RAB10: variants seen among roughly 807,000 people sequenced by gnomAD.
RAB10 encodes the protein RAB10, member RAS oncogene family, also known as ras-related protein Rab-10.
A neutral mutation model predicts 25.7 loss-of-function variants in RAB10; 5 were observed. That is an observed-to-expected ratio of 0.19 (90% CI 0.10 to 0.41). RAB10 has a LOEUF of 0.41. RAB10 is among the 10% of genes least tolerant of loss of function. The probability of loss-of-function intolerance (pLI) is 1.00; values close to 1 mark genes in which losing one functional copy is unlikely to be tolerated. For missense variants in RAB10, 103 were observed against 245.8 expected (o/e 0.42, Z 3.89); for synonymous variants, 89 against 86.4 (o/e 1.03, Z -0.16).
At chr2:26,131,313 T>G (rs951844513) in intron 5 of RAB10, among the ~76,000 whole-genome samples, 1 of 152,174 alleles carries the variant, frequency 6.6e-6, no homozygotes, top group Non-Finnish European at 1.5e-5. Flanking sequence ...TCATCATGTT[T>G]TAACAAAGTT....
At chr2:26,079,032 C>G (rs1402245376) in intron 1 of RAB10, among the ~76,000 whole-genome samples, 2 of 152,016 alleles carry the variant, frequency 1.3e-5, no homozygotes, top group Admixed American at 1.3e-4. Context: ...ACTACAAATA[C>G]AAAAATTAGC....
At chr2:26,035,792 T>C (rs1475267820) in intron 1 of RAB10, among the ~76,000 whole-genome samples, 1 of 152,202 alleles carries the variant, frequency 6.6e-6, no homozygotes, top group Non-Finnish European at 1.5e-5. Context: ...ACTCTGGGAA[T>C]TGTCAAAATT....
rs1666469435 is a variant in RAB10, at chr2:26,064,334, T to A, written c.127+29599T>A. 2.0e-5 allele frequency among the ~76,000 whole-genome samples: 3 copies of A among 152,162 alleles called. No homozygotes were observed. In the South Asian group the frequency reaches 6.2e-4, roughly 32 times the overall value. ...TTTTGAAAATAGTTTTTGTAGAGTG[T>A]TTGTTTTTGTATTTTGAGGTGGGGT... On this transcript the variant is annotated intron_variant, in intron 1 of 5. Coordinates refer to ENST00000264710, the MANE Select transcript of RAB10 (RefSeq NM_016131.5).
intron 3 of RAB10, among the ~76,000 whole-genome samples, chr2:26,116,548 G>GTTTTTTT (rs70950170): frequency 1.6e-5 from 1 of 62,636 alleles, no homozygotes; most frequent in African/African-American, 6.1e-5. Context: ...TCTGTCTTGT[G>GTTTTTTT]TTTTTTTTTT....
chr2:26,118,314 C>T (rs1171458097), intron 3 of RAB10, among the ~76,000 whole-genome samples: 3 of 150,116 alleles, frequency 2.0e-5, no homozygotes, highest in Admixed American at 6.6e-5. Context: ...GTAACGTCCC[C>T]TCCTCCCCCT....
intron 4 of RAB10, 83 bp downstream of exon 4, chr2:26,127,316 T>C: frequency 3.1e-6 from 3 of 981,318 alleles, no homozygotes; most frequent in Non-Finnish European, 4.7e-6. Flanking sequence ...GTAATAGTGA[T>C]CGAACACACT....
chr2:26,062,063 G>A (rs1420156480), intron 1 of RAB10, among the ~76,000 whole-genome samples: 2 of 152,030 alleles, frequency 1.3e-5, no homozygotes, highest in South Asian at 4.1e-4. Context: ...GTCTTTTTTG[G>A]TTCAGAATAA....
chr2:26,039,015 C>CTT (rs70950162), intron 1 of RAB10, among the ~76,000 whole-genome samples: 13 of 108,946 alleles, frequency 1.2e-4, no homozygotes, highest in African/African-American at 3.6e-4. Flanking sequence ...TTAATAGCCA[C>CTT]TTTTTTTTTT....
chr2:26,118,622 C>A (rs1235488321), intron 3 of RAB10, among the ~76,000 whole-genome samples: 1 of 152,146 alleles, frequency 6.6e-6, no homozygotes, highest in Non-Finnish European at 1.5e-5. Flanking sequence ...ATCTCTAAAT[C>A]TGTGATTCTC....
chr2:26,073,895 A>G (rs1666679748), intron 1 of RAB10, among the ~76,000 whole-genome samples: 1 of 152,222 alleles, frequency 6.6e-6, no homozygotes, highest in Non-Finnish European at 1.5e-5. Context: ...ATCAATATAA[A>G]TAAAGGGAGA....
At chr2:26,062,176 T>A (rs958572846) in intron 1 of RAB10, among the ~76,000 whole-genome samples, 4 of 152,240 alleles carry the variant, frequency 2.6e-5, no homozygotes, top group Non-Finnish European at 4.4e-5. Flanking sequence ...AACTTAAATT[T>A]TAAAAAGTAG....
chr2:26,129,147 G>T (rs1667962547), intron 5 of RAB10, among the ~76,000 whole-genome samples: 1 of 151,934 alleles, frequency 6.6e-6, no homozygotes, highest in Non-Finnish European at 1.5e-5. Context: ...GCACGTGCCT[G>T]TAATCCCAGC....
chr2:26,039,624 C>T (rs1665840973), intron 1 of RAB10, among the ~76,000 whole-genome samples: 1 of 152,016 alleles, frequency 6.6e-6, no homozygotes, highest in South Asian at 2.1e-4. Context: ...TCTGGGATTA[C>T]AGACGTGAGC....
chr2:26,037,105 A>C (rs1397009123), intron 1 of RAB10, among the ~76,000 whole-genome samples: 2 of 152,166 alleles, frequency 1.3e-5, no homozygotes, highest in Non-Finnish European at 2.9e-5. Context: ...ATCCTTAGGA[A>C]CAGTGTGGAG....
chr2:26,112,861 A>G (rs1667603295), intron 3 of RAB10, among the ~76,000 whole-genome samples: 1 of 152,098 alleles, frequency 6.6e-6, no homozygotes, highest in Non-Finnish European at 1.5e-5. Flanking sequence ...CAGGCGGATC[A>G]CCTGAGGTCA....
rs577861138 is a variant in RAB10, at chr2:26,034,226, G to T, written c.-383G>T. On this transcript the variant is annotated 5_prime_UTR_variant, in exon 1 of 6. Coordinates refer to ENST00000264710, the MANE Select transcript of RAB10 (RefSeq NM_016131.5). ...GCTGCCCTCGCCGCGTGCTAGCAGGGAGTTTCCGCTCGGGAGAGAGACTGT... is the reference window on the plus strand; with the variant it reads ...GCTGCCCTCGCCGCGTGCTAGCAGGTAGTTTCCGCTCGGGAGAGAGACTGT... The T allele has an allele frequency of 5.9e-4, 260 of 437,006 alleles. 1 individual carries two copies. The highest frequency in any genetic ancestry group is 4.9e-3 in the African/African-American group (244 of 49,566). The allele number at this position is 437,006 out of a possible 1,614,324, so 27.1% of individuals were successfully genotyped here.
chr2:26,107,932 G>A (rs576264649), intron 2 of RAB10, among the ~76,000 whole-genome samples: 1 of 151,594 alleles, frequency 6.6e-6, no homozygotes, highest in Admixed American at 6.6e-5. Flanking sequence ...CTTAGCCACA[G>A]GGAAATACAG....
intron 1 of RAB10, among the ~76,000 whole-genome samples, chr2:26,040,974 A>G (rs1005233233): frequency 3.9e-5 from 6 of 152,080 alleles, no homozygotes; most frequent in Admixed American, 6.6e-5. Flanking sequence ...GGTACACTCA[A>G]CCAATCTCAA....
At chr2:26,080,142 G>C (rs1666836727) in intron 1 of RAB10, among the ~76,000 whole-genome samples, 1 of 152,090 alleles carries the variant, frequency 6.6e-6, no homozygotes, top group Non-Finnish European at 1.5e-5. Context: ...AGCTGTTAAT[G>C]GCCAGAGCTG....
Sources: gnomAD v4.1 joint callset for allele counts (sites outside exome capture counted in the v4.1 genomes callset) on GRCh38, gnomAD v4.1.1 for gene constraint, MANE v1.5 for transcripts, NCBI Gene and HGNC (gene_info 2026-07-23, HGNC 2026-07-21) for gene names.